Variants in KIAA0825 observed in about 807,000 individuals in gnomAD.
The protein encoded by KIAA0825 is uncharacterized protein KIAA0825.
In KIAA0825, 119 loss-of-function variants were observed where a neutral mutation model predicts 147.6. That is an observed-to-expected ratio of 0.81 (90% CI 0.69 to 0.94). KIAA0825 has a LOEUF of 0.94. Ranked by LOEUF, KIAA0825 falls within the 40% of genes least tolerant of loss-of-function variation. KIAA0825 has a pLI of 0.00. For synonymous variants in KIAA0825, 470 were observed against 518.1 expected (o/e 0.91, Z 1.26); for missense variants, 1,381 against 1,472.7 (o/e 0.94, Z 1.02).
At chr5:94,471,058 G>A (rs1406890239) in intron 9 of KIAA0825, among the ~76,000 whole-genome samples, 1 of 152,148 alleles carries the variant, frequency 6.6e-6, no homozygotes, top group Non-Finnish European at 1.5e-5. Context: ...TTGATCATTA[G>A]AAGAGATTAC....
Position 94,563,814 on chromosome 5 carries a change from A to G in KIAA0825, c.-2+18619T>C, listed in dbSNP as rs182222557. On this transcript the variant is annotated intron_variant, in intron 2 of 20. Coordinates refer to ENST00000682413, the MANE Select transcript of KIAA0825 (RefSeq NM_001145678.3). The stretch of plus-strand genomic sequence containing the variant: ...ATTCTCCTGCCTCTGCCTCCTGAGT[A>G]GCTGGGATTATAGGCGCCTGCCACC... Among the ~76,000 whole-genome samples, 11 of 152,192 alleles carry G rather than the reference A, an allele frequency of 7.2e-5. No individual in the cohort carries two copies. The South Asian group carries it at 1.0e-3, about 14-fold the overall frequency.
At chr5:94,344,061 G>A (rs1403492390) in intron 20 of KIAA0825, among the ~76,000 whole-genome samples, 1 of 152,178 alleles carries the variant, frequency 6.6e-6, no homozygotes, top group Non-Finnish European at 1.5e-5. Flanking sequence ...ACAATCTAAT[G>A]TTGAACATAT....
intron 13 of KIAA0825, among the ~76,000 whole-genome samples, chr5:94,450,907 G>T (rs1009738425): frequency 3.3e-5 from 5 of 152,196 alleles, no homozygotes; most frequent in Non-Finnish European, 5.9e-5. Context: ...AGGTGGGGGT[G>T]TGGTTGTCAA....
chr5:94,306,758 A>G (rs1418597405), intron 20 of KIAA0825, among the ~76,000 whole-genome samples: 1 of 151,902 alleles, frequency 6.6e-6, no homozygotes, highest in East Asian at 1.9e-4. Context: ...ACTGATATCA[A>G]TCCTCAAGTG....
intron 10 of KIAA0825, 105 bp from the exon 11 acceptor site, chr5:94,465,164 G>T: frequency 9.8e-7 from 1 of 1,016,052 alleles, no homozygotes; most frequent in Non-Finnish European, 1.4e-6. Context: ...TAGCTAAAGA[G>T]TTTGACACAC....
At chr5:94,306,636 AT>A (rs1778756286) in intron 20 of KIAA0825, among the ~76,000 whole-genome samples, 1 of 151,788 alleles carries the variant, frequency 6.6e-6, no homozygotes, top group South Asian at 2.1e-4. Flanking sequence ...TAGATAAACT[AT>A]TTTCACCCCA....
chr5:94,371,261 G>A (rs932095266), intron 20 of KIAA0825, among the ~76,000 whole-genome samples: 7 of 152,092 alleles, frequency 4.6e-5, no homozygotes, highest in African/African-American at 1.2e-4. Context: ...GTACACTAAG[G>A]TATGAGTTTC....
chr5:94,215,384 A>G (rs1017231600), intron 20 of KIAA0825, among the ~76,000 whole-genome samples: 14 of 152,220 alleles, frequency 9.2e-5, no homozygotes, highest in South Asian at 6.2e-4. Flanking sequence ...GAAAAGGCCA[A>G]TGGGTGGGAA....
chr5:94,355,869 T>C (rs539535261), intron 20 of KIAA0825, among the ~76,000 whole-genome samples: 11 of 152,364 alleles, frequency 7.2e-5, no homozygotes, highest in African/African-American at 2.6e-4. Flanking sequence ...ACTTTCATTA[T>C]AATGGTATTT....
intron 2 of KIAA0825, among the ~76,000 whole-genome samples, chr5:94,560,659 C>T (rs1048253304): frequency 4.2e-4 from 64 of 152,288 alleles, no homozygotes; most frequent in African/African-American, 1.5e-3. Context: ...TTTAAATGGT[C>T]ACCAAGTTCT....
chr5:94,367,706 T>G (rs1465162549), intron 20 of KIAA0825, among the ~76,000 whole-genome samples: 1 of 152,180 alleles, frequency 6.6e-6, no homozygotes, highest in Non-Finnish European at 1.5e-5. Flanking sequence ...AGTTTTGAAG[T>G]GGAAGAGTGG....
chr5:94,168,063 A>G (rs968353599), intron 20 of KIAA0825, among the ~76,000 whole-genome samples: 2 of 150,166 alleles, frequency 1.3e-5, no homozygotes, highest in Non-Finnish European at 3.0e-5. Context: ...ATAGAAATAA[A>G]TATAATAGAT....
chr5:94,603,782 TC>T (rs767097965), intron 1 of KIAA0825, among the ~76,000 whole-genome samples: 2 of 152,156 alleles, frequency 1.3e-5, no homozygotes, highest in Non-Finnish European at 2.9e-5. Flanking sequence ...AATCCTAGTT[TC>T]TGACAAAAGA....
At chr5:94,302,795 T>C (rs1778491084) in intron 20 of KIAA0825, among the ~76,000 whole-genome samples, 1 of 152,060 alleles carries the variant, frequency 6.6e-6, no homozygotes, top group Non-Finnish European at 1.5e-5. Context: ...TTTATAACAA[T>C]ACTGCCAAAA....
At chr5:94,521,094 A>G (rs1371268223) in intron 4 of KIAA0825, among the ~76,000 whole-genome samples, 177 bp from the exon 5 acceptor site, 1 of 151,778 alleles carries the variant, frequency 6.6e-6, no homozygotes, top group Non-Finnish European at 1.5e-5. Context: ...GTTAGCTTTT[A>G]TGGTCTACTA....
At chr5:94,529,308 T>TC (rs1770150991) in intron 3 of KIAA0825, among the ~76,000 whole-genome samples, 11 of 144,232 alleles carry the variant, frequency 7.6e-5, no homozygotes, top group African/African-American at 2.5e-4. Flanking sequence ...TATATATGTA[T>TC]ATATCATATA....
Position 94,376,609 on chromosome 5 carries a change from A to AAAAC in KIAA0825, c.3710+7755_3710+7758dup, listed in dbSNP as rs57714508. Reference sequence around the variant, plus strand: ...AATACATGTTAGATAATCTCTGCAAAAAACAAACAAACAAACAAACAAACA... The same window carrying AAAAC: ...AATACATGTTAGATAATCTCTGCAAAAAACAAACAAACAAACAAACAAACAAACA... On this transcript the variant is annotated intron_variant, in intron 20 of 20. Coordinates refer to ENST00000682413, the MANE Select transcript of KIAA0825 (RefSeq NM_001145678.3). Among the ~76,000 whole-genome samples the AAAAC allele has an allele frequency of 2.1e-3, 322 of 152,172 alleles. 1 individual carries two copies. The highest frequency in any genetic ancestry group is 4.7e-3 in the African/African-American group (193 of 41,490).
intron 20 of KIAA0825, among the ~76,000 whole-genome samples, chr5:94,358,119 T>C (rs1390806800): frequency 1.3e-5 from 2 of 152,218 alleles, no homozygotes; most frequent in African/African-American, 4.8e-5. Context: ...AATCAAACTG[T>C]GGCATTTTAA....
intron 20 of KIAA0825, among the ~76,000 whole-genome samples, chr5:94,214,876 AAAC>A (rs1773065385): frequency 6.6e-6 from 1 of 152,224 alleles, no homozygotes; most frequent in Non-Finnish European, 1.5e-5. Flanking sequence ...ACCAACAAAC[AAAC>A]AACAAAACAA....
Sources: gnomAD v4.1 joint callset for allele counts (sites outside exome capture counted in the v4.1 genomes callset) on GRCh38, gnomAD v4.1.1 for gene constraint, MANE v1.5 for transcripts, NCBI Gene and HGNC (gene_info 2026-07-23, HGNC 2026-07-21) for gene names.